The following GNAS variants were observed in gnomAD, a reference collection of about 807,000 sequenced individuals.
GNAS encodes protein ALEX.
A neutral mutation model predicts 54.5 loss-of-function variants in GNAS; 8 were observed. The ratio of observed to expected loss-of-function variants is 0.15; its 90% CI spans 0.09 to 0.26. The LOEUF (loss-of-function observed/expected upper bound fraction) is 0.26, where lower values mean the gene tolerates loss of function less well. GNAS is among the 10% of genes least tolerant of loss of function. GNAS has a pLI of 1.00. For synonymous variants in GNAS, 204 were observed against 191.4 expected (o/e 1.07, Z -0.54); for missense variants, 170 against 529.8 (o/e 0.32, Z 6.67).
chr20:58,909,257 T>G lies in GNAS; in HGVS notation c.585+41T>G. The stretch of plus-strand genomic sequence containing the variant: ...CCCCACCAGAGGACTCTGAGCCCTC[T>G]TTCCAAACTACTCCAGACCTTTGCT... On this transcript the variant is annotated intron_variant, in intron 7 of 12. Coordinates refer to ENST00000371085, the MANE Select transcript of GNAS (RefSeq NM_000516.7). This position sits in a 1 kb window ranked among gnomAD's most constrained non-coding sequence, Gnocchi z 7.3. 1 of 1,597,714 alleles carries G rather than the reference T, an allele frequency of 6.3e-7. No homozygotes were observed. The highest frequency in any genetic ancestry group is 8.6e-7 in the Non-Finnish European group (1 of 1,165,028).
chr20:58,899,098 C>A, intron 3 of GNAS, 113 bp downstream of exon 3: 1 of 854,948 alleles, frequency 1.2e-6, no homozygotes, highest in South Asian at 1.3e-5. Context: ...TTTAAAGGAC[C>A]ATCAGCCATA....
rs946356852 is a variant in GNAS, at chr20:58,842,272, AATTG to A, written c.43+1390_43+1393del. The A allele has an allele frequency of 2.0e-5, 8 of 398,074 alleles. No homozygotes were observed. In the Admixed American group the frequency reaches 3.5e-4, roughly 18 times the overall value. 24.7% of individuals were successfully genotyped at this position (398,074 alleles called of 1,614,324 possible). On this transcript the variant is annotated intron_variant, in intron 1 of 12. Transcript: ENST00000306090. ...TTTAAAAAATCTCATCCGACTTGGA[AATTG>A]ATTTTTTTTTTCCTGGTGTGCGTGT...
At chr20:58,842,117 C>A in intron 1 of GNAS, 1 of 399,760 alleles carries the variant, frequency 2.5e-6, no homozygotes, top group Non-Finnish European at 4.4e-6. Flanking sequence ...TAAGTTTAAT[C>A]TGTAACCTGG....
intron 5 of GNAS, 140 bp from the exon 6 acceptor site, chr20:58,905,243 A>G (rs1348555750): frequency 3.5e-5 from 24 of 688,024 alleles, no homozygotes; most frequent in Admixed American, 6.3e-5. Context: ...GTGAGCATTA[A>G]TTCATTAATT....
upstream of GNAS, chr20:58,889,488 A>G (rs959603817): frequency 1.4e-5 from 4 of 295,636 alleles, no homozygotes; most frequent in African/African-American, 6.9e-5. Context: ...GCACCCCCCA[A>G]TTCTCTCTCT....
intron 1 of GNAS, among the ~76,000 whole-genome samples, chr20:58,893,191 CATTT>C (rs1421436886): frequency 2.7e-5 from 4 of 147,100 alleles, no homozygotes; most frequent in Admixed American, 6.9e-5. Flanking sequence ...TATCAAGTGA[CATTT>C]AGTTGTTTGG....
chr20:58,844,424 A>C (rs1312230535), intron 1 of GNAS, among the ~76,000 whole-genome samples: 1 of 152,168 alleles, frequency 6.6e-6, no homozygotes, highest in Non-Finnish European at 1.5e-5. Flanking sequence ...TGGGGTTTTG[A>C]CACTAATGAC....
chr20:58,909,449 T>TA lies in GNAS; in HGVS notation c.659+28dup, dbSNP rs2091293059. 1 of 1,610,028 alleles carries TA rather than the reference T, an allele frequency of 6.2e-7. No homozygotes were observed. Among genetic ancestry groups the TA allele is most frequent in the Non-Finnish European group, 8.5e-7 (1 of 1,176,398 alleles). On this transcript the variant is annotated intron_variant, in intron 8 of 12. Transcript: ENST00000371085. This position sits in a 1 kb window ranked among gnomAD's most constrained non-coding sequence, Gnocchi z 7.3. The stretch of plus-strand genomic sequence containing the variant: ...GTAAGCCAACTGTTACCTTTTTATA[T>TA]AACAGAGATCATGGTTTCTTGACAT...
At chr20:58,866,812 A>T (rs973536430) in intron 1 of GNAS, among the ~76,000 whole-genome samples, 1 of 150,348 alleles carries the variant, frequency 6.7e-6, no homozygotes, top group Non-Finnish European at 1.5e-5. Flanking sequence ...TTTCAAATTT[A>T]TGACCTCTGA....
At chr20:58,866,134 A>G (rs1319229505) in intron 1 of GNAS, among the ~76,000 whole-genome samples, 1 of 152,160 alleles carries the variant, frequency 6.6e-6, no homozygotes, top group Non-Finnish European at 1.5e-5. Context: ...AGAGCCTTTA[A>G]CTGATAATGT....
chr20:58,905,324 G>A (rs2090967155), intron 5 of GNAS, 59 bp from the exon 6 acceptor site: 1 of 944,470 alleles, frequency 1.1e-6, no homozygotes, highest in Non-Finnish European at 1.8e-6. Flanking sequence ...TTGAATGACA[G>A]TGTTGTTGAT....
intron 5 of GNAS, among the ~76,000 whole-genome samples, chr20:58,904,160 C>G (rs1475806542): frequency 6.6e-6 from 1 of 152,142 alleles, no homozygotes; most frequent in African/African-American, 2.4e-5. Context: ...TTCCCTCATT[C>G]ACATCTTAGG....
intron 3 of GNAS, among the ~76,000 whole-genome samples, chr20:58,900,763 G>T (rs1189549892): frequency 6.6e-6 from 1 of 152,172 alleles, no homozygotes; most frequent in Non-Finnish European, 1.5e-5. Flanking sequence ...AATAGTAAAA[G>T]TGATGATAAA....
chr20:58,846,621 G>C (rs1413344396), intron 1 of GNAS, among the ~76,000 whole-genome samples: 1 of 152,182 alleles, frequency 6.6e-6, no homozygotes, highest in East Asian at 1.9e-4. Context: ...TCTCAAACTT[G>C]AGGGGTCCAA....
upstream of GNAS, chr20:58,889,409 A>C (rs1173437278): frequency 1.3e-5 from 13 of 980,094 alleles, no homozygotes; most frequent in African/African-American, 3.5e-5. Context: ...CGGCGCAGGC[A>C]AGAGCCGCCG....
chr20:58,870,180 A>T (rs2087346049), intron 1 of GNAS, among the ~76,000 whole-genome samples: 1 of 152,248 alleles, frequency 6.6e-6, no homozygotes, highest in Non-Finnish European at 1.5e-5. Context: ...AAAGAAACTG[A>T]ATACACAGGG....
intron 1 of GNAS, among the ~76,000 whole-genome samples, chr20:58,865,712 A>G (rs761289140): frequency 3.3e-5 from 5 of 151,560 alleles, no homozygotes; most frequent in Non-Finnish European, 5.9e-5. Flanking sequence ...AGTAGCTGGG[A>G]TTACAGGCAT....
chr20:58,898,355 T>C (rs962432192), intron 2 of GNAS: 1 of 151,994 alleles, frequency 6.6e-6, no homozygotes, highest in Non-Finnish European at 1.5e-5. Context: ...TTCTTTGAAA[T>C]TTTTTTTGCT....
At chr20:58,895,050 G>A (rs1425755723) in intron 1 of GNAS, 1 of 170,406 alleles carries the variant, frequency 5.9e-6, no homozygotes, top group African/African-American at 2.4e-5. Flanking sequence ...TAGCCCAAGG[G>A]GTAGGAAACC....
Sources: gnomAD v4.1 joint callset for allele counts (sites outside exome capture counted in the v4.1 genomes callset) on GRCh38, gnomAD v4.1.1 for gene constraint, Gnocchi (gnomAD v3.1) non-coding constraint, MANE v1.5 for transcripts, NCBI Gene and HGNC (gene_info 2026-07-23, HGNC 2026-07-21) for gene names.